REV3L: variants seen among roughly 807,000 people sequenced by gnomAD.
The protein encoded by REV3L is REV3 like, DNA directed polymerase zeta catalytic subunit.
REV3L carries 69 observed loss-of-function variants against 299.4 expected under a neutral mutation model. The observed-to-expected ratio is 0.23, with a 90% CI of 0.19 to 0.28. The LOEUF (loss-of-function observed/expected upper bound fraction) is 0.28. Ranked by LOEUF, REV3L falls within the 10% of genes least tolerant of loss-of-function variation. The pLI, the probability that REV3L is intolerant of heterozygous loss-of-function variation, is 1.00. For synonymous variants in REV3L, 1,238 were observed against 1,271.4 expected, an observed-to-expected ratio of 0.97 and a Z score of 0.56; for missense variants, 3,128 against 3,693.8, an observed-to-expected ratio of 0.85 and a Z score of 3.97.
At chr6:111,430,927 T>C in intron 1 of REV3L, 1 of 1,597,166 alleles carries the variant, frequency 6.3e-7, no homozygotes, top group African/African-American at 1.3e-5. Context: ...GCTACTGCCC[T>C]GTGAGACTGG....
intron 1 of REV3L, among the ~76,000 whole-genome samples, chr6:111,444,398 T>C (rs2128310815): frequency 6.6e-6 from 1 of 152,282 alleles, no homozygotes; most frequent in South Asian, 2.1e-4. Flanking sequence ...GAAAAAGCTA[T>C]GACTTTAAAT....
intron 1 of REV3L, chr6:111,430,626 G>T (rs756037280): frequency 5.0e-5 from 76 of 1,526,452 alleles, no homozygotes; most frequent in Non-Finnish European, 6.5e-5. Flanking sequence ...GAGTGGGGAG[G>T]ACAGAGGCTG....
At chr6:111,325,221 AAAGG>A (rs1270297377) in intron 25 of REV3L, among the ~76,000 whole-genome samples, 1 of 152,250 alleles carries the variant, frequency 6.6e-6, no homozygotes, top group Non-Finnish European at 1.5e-5. Context: ...AAAGACATAA[AAAGG>A]AAGAAATAAA....
intron 1 of REV3L, among the ~76,000 whole-genome samples, chr6:111,440,473 C>A (rs1199536042): frequency 1.3e-5 from 2 of 152,092 alleles, no homozygotes; most frequent in Admixed American, 1.3e-4. Flanking sequence ...TGTGTCTGAG[C>A]CTAGTTACAA....
At chr6:111,368,466 T>A (rs1317839260) in intron 13 of REV3L, among the ~76,000 whole-genome samples, 2 of 152,218 alleles carry the variant, frequency 1.3e-5, no homozygotes, top group Admixed American at 6.5e-5. Context: ...TTCTCCAGTA[T>A]CTGTAGTTTA....
intron 28 of REV3L, 197 bp downstream of exon 28, chr6:111,313,155 C>A (rs573953768): frequency 2.2e-4 from 95 of 432,764 alleles, no homozygotes; most frequent in African/African-American, 1.7e-3. Context: ...AAAGTGAGAC[C>A]CTGTCTCAAA....
intron 22 of REV3L, among the ~76,000 whole-genome samples, chr6:111,333,890 TAA>T (rs1352113553): frequency 1.3e-5 from 2 of 152,228 alleles, no homozygotes; most frequent in Non-Finnish European, 2.9e-5. Context: ...ACTTAAAAGA[TAA>T]GTCAATTTTA....
At chr6:111,353,541 CCA>C (rs1777787904) in intron 18 of REV3L, among the ~76,000 whole-genome samples, 1 of 152,080 alleles carries the variant, frequency 6.6e-6, no homozygotes, top group Non-Finnish European at 1.5e-5. Flanking sequence ...CATTGTTATA[CCA>C]CAGACTTGCT....
At chr6:111,439,399 TTGG>T (rs1787973841) in intron 1 of REV3L, among the ~76,000 whole-genome samples, 1 of 152,168 alleles carries the variant, frequency 6.6e-6, no homozygotes, top group South Asian at 2.1e-4. Context: ...GATAAGGAAC[TTGG>T]TGGCTGGCCA....
At chr6:111,473,363 A>T (rs1162856067) in intron 1 of REV3L, among the ~76,000 whole-genome samples, 5 of 152,046 alleles carry the variant, frequency 3.3e-5, no homozygotes, top group Middle Eastern at 3.4e-3. Flanking sequence ...ATTATCTTTA[A>T]TTGCGTGAAT....
intron 27 of REV3L, among the ~76,000 whole-genome samples, chr6:111,314,886 T>C (rs1773357539): frequency 6.6e-6 from 1 of 151,798 alleles, no homozygotes. Context: ...GGGTCTTACT[T>C]TGTTCCCCAG....
intron 20 of REV3L, 74 bp downstream of exon 20, chr6:111,349,144 T>C: frequency 1.3e-6 from 1 of 770,260 alleles, no homozygotes; most frequent in Admixed American, 2.0e-5. Flanking sequence ...ATCTTACTAA[T>C]ACTCTATAAT....
At chr6:111,440,214 C>T (rs952770367) in intron 1 of REV3L, among the ~76,000 whole-genome samples, 1 of 152,138 alleles carries the variant, frequency 6.6e-6, no homozygotes, top group African/African-American at 2.4e-5. Context: ...GGATTACAGG[C>T]ATGCGCCACC....
chr6:111,342,294 CCCAG>C (rs1308449853), intron 21 of REV3L, among the ~76,000 whole-genome samples: 2 of 152,096 alleles, frequency 1.3e-5, no homozygotes, highest in Non-Finnish European at 2.9e-5. Flanking sequence ...CTTACTTGGG[CCCAG>C]GACCTGCCAG....
intron 24 of REV3L, 128 bp from the exon 25 acceptor site, chr6:111,329,866 T>C (rs1385054589): frequency 1.8e-5 from 12 of 685,206 alleles, no homozygotes; most frequent in African/African-American, 3.6e-5. Flanking sequence ...AGAGTGACCA[T>C]AGTATTAGTG....
Position 111,448,445 on chromosome 6 carries a change from C to T in REV3L, c.140-31973G>A, listed in dbSNP as rs1319092469. ...CCTCTGCCTCCTAGGCTCAGATGATCCACCTCAGCCTCCTGGGTAGCTGGG... is the reference window on the plus strand; with the variant it reads ...CCTCTGCCTCCTAGGCTCAGATGATTCACCTCAGCCTCCTGGGTAGCTGGG... On this transcript the variant is annotated intron_variant, in intron 1 of 31. Transcript: ENST00000368802. Among the ~76,000 whole-genome samples, 9 of 151,856 alleles carry T rather than the reference C, an allele frequency of 5.9e-5. No individual in the cohort carries two copies. The South Asian group carries it at 1.7e-3, about 28-fold the overall frequency.
chr6:111,384,024 T>C (rs1004484083), intron 9 of REV3L, among the ~76,000 whole-genome samples: 3 of 152,138 alleles, frequency 2.0e-5, no homozygotes, highest in South Asian at 4.1e-4. Flanking sequence ...CTTCGATAAA[T>C]GGTGCTGAGA....
At chr6:111,472,112 C>A in intron 1 of REV3L, 1 of 1,276,726 alleles carries the variant, frequency 7.8e-7, no homozygotes, top group Admixed American at 2.6e-5. Context: ...TTTTAGGTTG[C>A]TTTTATGTGG....
In REV3L at chr6:111,375,368, T is replaced by C; in HGVS notation, c.2987A>G (p.Lys996Arg). ...TACTTGTTTTTCTTTAGAGTCTATT[T>C]TTCCTAGCTTCACAAGCATATTTTT... ...GRKNMLVKLG[K>R]IDSKEKQVIL... Residue 996 changes from lysine to arginine, a missense_variant, in exon 13 of 32, where the codon AAA becomes AGA. Physicochemically the swap from Lys to Arg is conservative, Grantham distance 26. Transcript: ENST00000368802. 4 of 1,590,906 alleles carry C rather than the reference T, an allele frequency of 2.5e-6. No homozygotes were observed. The highest frequency in any genetic ancestry group is 3.4e-6 in the Non-Finnish European group (4 of 1,172,948).
Sources: allele counts gnomAD v4.1 joint callset (sites outside exome capture counted in the v4.1 genomes callset), GRCh38; gene constraint gnomAD v4.1.1; transcripts MANE v1.5; gene names NCBI Gene and HGNC (gene_info 2026-07-23, HGNC 2026-07-21).